PLA2G4C: variants seen among roughly 807,000 people sequenced by gnomAD.
PLA2G4C encodes the protein phospholipase A2 group IVC.
Under a neutral mutation model 73.8 loss-of-function variants are expected in PLA2G4C, and 64 were observed. That is an observed-to-expected ratio of 0.87 (90% CI 0.71 to 1.07). The LOEUF (loss-of-function observed/expected upper bound fraction) is 1.07. Ranked by LOEUF, PLA2G4C falls within the 50% of genes least tolerant of loss-of-function variation. PLA2G4C has a pLI of 0.00. For missense variants in PLA2G4C, 622 were observed against 665.4 expected (o/e 0.93, Z 0.72); for synonymous variants, 254 against 252.1 (o/e 1.01, Z -0.07).
chr19:48,076,968 C>A (rs928826263), intron 11 of PLA2G4C, among the ~76,000 whole-genome samples: 1 of 152,184 alleles, frequency 6.6e-6, no homozygotes, highest in African/African-American at 2.4e-5. Flanking sequence ...ATAATATAAT[C>A]TAACTTCTCC....
chr19:48,070,499 C>T (rs1217379450), intron 12 of PLA2G4C, among the ~76,000 whole-genome samples: 2 of 152,146 alleles, frequency 1.3e-5, no homozygotes, highest in Non-Finnish European at 2.9e-5. Flanking sequence ...ACCAAATATA[C>T]CCATCAATGG....
chr19:48,106,494 C>T, intron 2 of PLA2G4C, 28 bp downstream of exon 2: 1 of 1,561,344 alleles, frequency 6.4e-7, no homozygotes, highest in African/African-American at 1.4e-5. Flanking sequence ...TCTGCTTCCC[C>T]ATAGTGGTCA....
At chr19:48,104,848 C>T (rs1297616346) in intron 3 of PLA2G4C, 124 bp from the exon 4 acceptor site, 12 of 867,282 alleles carry the variant, frequency 1.4e-5, no homozygotes, top group Admixed American at 2.7e-5. Flanking sequence ...ATTGGGAGGC[C>T]GAGGCAGGTG....
At chr19:48,093,448 C>A (rs999968985) in intron 7 of PLA2G4C, among the ~76,000 whole-genome samples, 2 of 152,104 alleles carry the variant, frequency 1.3e-5, no homozygotes, top group African/African-American at 4.8e-5. Flanking sequence ...ACACACCCAC[C>A]CCTAATCCAT....
chr19:48,075,557 CTGA>C (rs1037606870), intron 11 of PLA2G4C, among the ~76,000 whole-genome samples: 2 of 152,116 alleles, frequency 1.3e-5, no homozygotes, highest in African/African-American at 4.8e-5. Flanking sequence ...CACACACACA[CTGA>C]TAATAGCTCT....
chr19:48,101,126 A>ATATATATATATATTTT (rs1491313107), intron 4 of PLA2G4C, among the ~76,000 whole-genome samples: 16 of 74,126 alleles, frequency 2.2e-4, no homozygotes, highest in African/African-American at 1.0e-3. Context: ...ATATATATAT[A>ATATATATATATATTTT]TTTTTTTTTT....
chr19:48,094,048 G>T (rs185588331), intron 7 of PLA2G4C, among the ~76,000 whole-genome samples: 2 of 152,092 alleles, frequency 1.3e-5, no homozygotes, highest in Admixed American at 6.6e-5. Flanking sequence ...ACCCAGTCTC[G>T]GGTAGTATCT....
intron 13 of PLA2G4C, chr19:48,063,857 C>G (rs1968299915): frequency 6.6e-6 from 1 of 151,712 alleles, no homozygotes; most frequent in Non-Finnish European, 1.5e-5. Flanking sequence ...TCATCAGTTA[C>G]TGGAAAGGGG....
At chr19:48,106,452 G>C (rs1324543794) in intron 2 of PLA2G4C, 70 bp downstream of exon 2, 2 of 1,147,790 alleles carry the variant, frequency 1.7e-6, no homozygotes, top group Admixed American at 1.7e-5. Context: ...CTCACCTCTT[G>C]ACACTCACTA....
intron 13 of PLA2G4C, 61 bp downstream of exon 13, chr19:48,067,730 C>G (rs1448708796): frequency 8.9e-7 from 1 of 1,127,060 alleles, no homozygotes; most frequent in Non-Finnish European, 1.4e-6. Context: ...ACCCCCTTCC[C>G]CTACTCCAGC....
chr19:48,075,385 C>T (rs2030081857), intron 11 of PLA2G4C, among the ~76,000 whole-genome samples: 1 of 151,742 alleles, frequency 6.6e-6, no homozygotes, highest in East Asian at 1.9e-4. Context: ...TGGGGTTTTA[C>T]CATGTTGGCC....
chr19:48,078,300 C>A (rs2030306399), intron 10 of PLA2G4C, among the ~76,000 whole-genome samples: 1 of 152,130 alleles, frequency 6.6e-6, no homozygotes, highest in Admixed American at 6.5e-5. Context: ...CCCCTGAGAA[C>A]TGCAATAAGA....
At chr19:48,082,276 G>A (rs1251939037) in intron 10 of PLA2G4C, among the ~76,000 whole-genome samples, 3 of 151,520 alleles carry the variant, frequency 2.0e-5, no homozygotes, top group Non-Finnish European at 4.4e-5. Flanking sequence ...TTACCTAATA[G>A]TAGCAGTGTT....
chr19:48,063,010 G>T (rs1320430298), intron 13 of PLA2G4C, among the ~76,000 whole-genome samples: 1 of 152,034 alleles, frequency 6.6e-6, no homozygotes, highest in Non-Finnish European at 1.5e-5. Flanking sequence ...AGCAGGGAGG[G>T]GGCTTCCAGG....
rs540594303 is a variant in PLA2G4C at position 48,053,266 on chromosome 19, G to A, written c.1430-119C>T. 21 of 589,252 alleles carry A rather than the reference G, an allele frequency of 3.6e-5. No homozygotes were observed. In the East Asian group the frequency reaches 4.4e-4, roughly 12 times the overall value. The allele number at this position is 589,252 out of a possible 1,614,324, so 36.5% of individuals were successfully genotyped here. On this transcript the variant is annotated intron_variant, in intron 15 of 16. Coordinates refer to ENST00000599921, the MANE Select transcript of PLA2G4C (RefSeq NM_003706.3). ...CTACAGTTGTGGACCAAATCCAGTC[G>A]GCCCACTACTTTGGCTTTATAAATA...
At chr19:48,096,281 G>A (rs1445483397) in intron 6 of PLA2G4C, among the ~76,000 whole-genome samples, 1 of 152,126 alleles carries the variant, frequency 6.6e-6, no homozygotes, top group Non-Finnish European at 1.5e-5. Context: ...CCACACCGAG[G>A]AGAGAGATAA....
chr19:48,095,834 C>A (rs941709403), intron 6 of PLA2G4C, among the ~76,000 whole-genome samples: 7 of 152,150 alleles, frequency 4.6e-5, no homozygotes, highest in African/African-American at 1.7e-4. Flanking sequence ...TTTTCCAGAG[C>A]TTGAACCCTC....
chr19:48,091,271 T>C (rs749078379), intron 7 of PLA2G4C, among the ~76,000 whole-genome samples: 13 of 151,768 alleles, frequency 8.6e-5, no homozygotes, highest in Admixed American at 2.0e-4. Context: ...CTGCAACCTC[T>C]GCCTCCCAGA....
chr19:48,052,484 T>TCCA (rs1440464602), intron 16 of PLA2G4C, among the ~76,000 whole-genome samples: 1 of 152,094 alleles, frequency 6.6e-6, no homozygotes, highest in African/African-American at 2.4e-5. Flanking sequence ...CCCTTCACCT[T>TCCA]CCACCATGAT....
Sources: gnomAD v4.1 joint callset for allele counts (sites outside exome capture counted in the v4.1 genomes callset) on GRCh38, gnomAD v4.1.1 for gene constraint, MANE v1.5 for transcripts, NCBI Gene and HGNC (gene_info 2026-07-23, HGNC 2026-07-21) for gene names.